Variants in TRIO observed in about 807,000 individuals in gnomAD.
TRIO encodes the protein triple functional domain protein.
In TRIO, 58 loss-of-function variants were observed where a neutral mutation model predicts 351.9. That is an observed-to-expected ratio of 0.16 (90% confidence interval 0.13 to 0.21). TRIO has a LOEUF of 0.21. Ranked by LOEUF, TRIO falls within the 10% of genes least tolerant of loss-of-function variation. TRIO has a pLI of 1.00. For synonymous variants in TRIO, 1,758 were observed against 1,595.7 expected, an observed-to-expected ratio of 1.10 and a Z score of -2.42; for missense variants, 3,201 against 4,027.8, an observed-to-expected ratio of 0.79 and a Z score of 5.56.
At chr5:14,375,665 A>G (rs893152365) in intron 19 of TRIO, among the ~76,000 whole-genome samples, 3 of 152,124 alleles carry the variant, frequency 2.0e-5, no homozygotes, top group Non-Finnish European at 4.4e-5. Flanking sequence ...GTCTCAGACC[A>G]CGTGGTCAGA....
intron 36 of TRIO, 59 bp from the exon 37 acceptor site, chr5:14,465,486 G>T: frequency 6.5e-7 from 1 of 1,540,472 alleles, no homozygotes; most frequent in South Asian, 1.1e-5. Context: ...TTTACTGTCT[G>T]ACCAGTTACT....
chr5:14,478,398 A>C (rs899177347), intron 41 of TRIO, among the ~76,000 whole-genome samples: 1 of 152,224 alleles, frequency 6.6e-6, no homozygotes, highest in African/African-American at 2.4e-5. Flanking sequence ...AGCACAACAA[A>C]AAGGACAACT....
chr5:14,363,304 T>G (rs1324534973), intron 13 of TRIO, among the ~76,000 whole-genome samples: 1 of 152,240 alleles, frequency 6.6e-6, no homozygotes, highest in East Asian at 1.9e-4. Flanking sequence ...CCAGCCGATT[T>G]ACTGTCTACT....
At chr5:14,328,197 ACG>A (rs1740567999) in intron 9 of TRIO, among the ~76,000 whole-genome samples, 1 of 152,236 alleles carries the variant, frequency 6.6e-6, no homozygotes, top group Non-Finnish European at 1.5e-5. Context: ...AGTTAAAACA[ACG>A]CGCTCAATAC....
At chr5:14,228,594 A>G (rs1017311895) in intron 1 of TRIO, among the ~76,000 whole-genome samples, 3 of 152,238 alleles carry the variant, frequency 2.0e-5, no homozygotes, top group Non-Finnish European at 4.4e-5. Flanking sequence ...GGGAGGCCAC[A>G]TGTGGATTTA....
At chr5:14,316,009 A>G (rs1230855876) in intron 8 of TRIO, among the ~76,000 whole-genome samples, 2 of 152,238 alleles carry the variant, frequency 1.3e-5, no homozygotes, top group Non-Finnish European at 2.9e-5. Flanking sequence ...TACATATTCT[A>G]TGCCTAGTGC....
At chr5:14,202,293 GATTTTTTTTTTTTTTT>G (rs1791175227) in intron 1 of TRIO, among the ~76,000 whole-genome samples, 2 of 34,350 alleles carry the variant, frequency 5.8e-5, no homozygotes, top group African/African-American at 2.0e-4. Flanking sequence ...ATATTTTTGT[GATTTTTTTTTTTTTTT>G]TTTTTTTTTT....
chr5:14,194,039 A>G (rs988819642), intron 1 of TRIO, among the ~76,000 whole-genome samples: 1 of 152,172 alleles, frequency 6.6e-6, no homozygotes. Flanking sequence ...GGCCTGTCCA[A>G]ACCCTCCATG....
chr5:14,414,671 A>T (rs1021440725), intron 33 of TRIO, among the ~76,000 whole-genome samples: 1 of 151,710 alleles, frequency 6.6e-6, no homozygotes, highest in Non-Finnish European at 1.5e-5. Context: ...CACCATTTTT[A>T]TGTCCTCACA....
intron 15 of TRIO, among the ~76,000 whole-genome samples, chr5:14,365,456 G>T (rs1744513558): frequency 6.6e-6 from 1 of 152,190 alleles, no homozygotes; most frequent in Non-Finnish European, 1.5e-5. Flanking sequence ...GCAGGAGGTG[G>T]TGCAGAAGTA....
At chr5:14,356,523 G>A (rs1242652304) in intron 11 of TRIO, among the ~76,000 whole-genome samples, 1 of 152,192 alleles carries the variant, frequency 6.6e-6, no homozygotes. Flanking sequence ...ATACGCTGCT[G>A]GTGGGAAGGT....
chr5:14,419,078 G>A (rs999212426), intron 33 of TRIO, among the ~76,000 whole-genome samples: 13 of 152,048 alleles, frequency 8.5e-5, no homozygotes, highest in Admixed American at 2.0e-4. Context: ...GGAAAGGAAC[G>A]TCAGGCTGGA....
chr5:14,221,734 CTCATGAAT>C (rs1180013073), intron 1 of TRIO, among the ~76,000 whole-genome samples: 1 of 152,242 alleles, frequency 6.6e-6, no homozygotes, highest in African/African-American at 2.4e-5. Flanking sequence ...AGCGTTGCTT[CTCATGAAT>C]GAGCAAAGAA....
At chr5:14,504,912 C>T (rs1299471639) in intron 55 of TRIO, among the ~76,000 whole-genome samples, 4 of 149,290 alleles carry the variant, frequency 2.7e-5, no homozygotes, top group Admixed American at 6.6e-5. Flanking sequence ...GTCTCTGGTG[C>T]TGAACCCAAG....
chr5:14,235,173 A>T (rs1793688991), intron 1 of TRIO, among the ~76,000 whole-genome samples: 1 of 152,228 alleles, frequency 6.6e-6, no homozygotes, highest in Admixed American at 6.5e-5. Flanking sequence ...AACTTACTCA[A>T]AATATAAGGG....
At chr5:14,437,008 T>C (rs1751638628) in intron 34 of TRIO, among the ~76,000 whole-genome samples, 1 of 152,236 alleles carries the variant, frequency 6.6e-6, no homozygotes, top group Non-Finnish European at 1.5e-5. Context: ...TGTGTGTGTA[T>C]GACTTTACAT....
At chr5:14,475,311 G>A (rs1754982970) in intron 40 of TRIO, among the ~76,000 whole-genome samples, 1 of 151,808 alleles carries the variant, frequency 6.6e-6, no homozygotes, top group African/African-American at 2.4e-5. Context: ...GGTGGAGCAC[G>A]ATGTCATCAC....
intron 53 of TRIO, chr5:14,499,118 G>T: frequency 6.4e-6 from 1 of 156,326 alleles, no homozygotes. Context: ...CAGGCCCTGT[G>T]CCTGTCTGAG....
chr5:14,213,795 G>T (rs1792056535), intron 1 of TRIO, among the ~76,000 whole-genome samples: 1 of 152,136 alleles, frequency 6.6e-6, no homozygotes, highest in Non-Finnish European at 1.5e-5. Context: ...GAGTATTAGG[G>T]TTTATTCAAG....
Sources: gnomAD v4.1 joint callset for allele counts (sites outside exome capture counted in the v4.1 genomes callset) on GRCh38, gnomAD v4.1.1 for gene constraint, MANE v1.5 for transcripts, NCBI Gene and HGNC (gene_info 2026-07-23, HGNC 2026-07-21) for gene names.